POU6F2: variants seen among roughly 807,000 people sequenced by gnomAD.
The protein encoded by POU6F2 is POU domain, class 6, transcription factor 2.
Under a neutral mutation model 71.3 loss-of-function variants are expected in POU6F2, and 31 were observed. That is an observed-to-expected ratio of 0.43 (90% CI 0.33 to 0.59). POU6F2 has a LOEUF of 0.59. POU6F2 is among the 20% of genes least tolerant of loss of function. The pLI, the probability that POU6F2 is intolerant of heterozygous loss-of-function variation, is 0.04. For synonymous variants in POU6F2, 347 were observed against 355.7 expected (o/e 0.98, Z 0.27); for missense variants, 783 against 856.8 (o/e 0.91, Z 1.07).
At chr7:39,233,207 G>T (rs987617400) in intron 4 of POU6F2, among the ~76,000 whole-genome samples, 1 of 151,848 alleles carries the variant, frequency 6.6e-6, no homozygotes, top group Non-Finnish European at 1.5e-5. Flanking sequence ...ATAGTTTAGT[G>T]AGGAAGGTAG....
intron 2 of POU6F2, among the ~76,000 whole-genome samples, chr7:39,183,468 C>A (rs1183307619): frequency 1.3e-5 from 2 of 152,102 alleles, no homozygotes; most frequent in East Asian, 1.9e-4. Context: ...GGGGGAGGTG[C>A]TACACACTTT....
intron 5 of POU6F2, among the ~76,000 whole-genome samples, chr7:39,341,596 A>AC (rs1191800419): frequency 1.3e-5 from 2 of 152,228 alleles, no homozygotes; most frequent in Admixed American, 1.3e-4. Context: ...CATTAGATGT[A>AC]CCTATATACC....
intron 6 of POU6F2, among the ~76,000 whole-genome samples, chr7:39,411,653 T>C (rs1239637391): frequency 1.3e-5 from 2 of 152,152 alleles, no homozygotes; most frequent in Admixed American, 6.5e-5. Flanking sequence ...GCAGAGTTGG[T>C]TTGGTGAGAT....
intron 4 of POU6F2, among the ~76,000 whole-genome samples, chr7:39,304,124 G>A (rs1003855043): frequency 3.3e-5 from 5 of 152,002 alleles, no homozygotes; most frequent in African/African-American, 7.2e-5. Flanking sequence ...ATGTAAAAAT[G>A]TAAAAGAACT....
intron 4 of POU6F2, among the ~76,000 whole-genome samples, chr7:39,245,250 T>C (rs1427650216): frequency 6.6e-6 from 1 of 152,206 alleles, no homozygotes; most frequent in South Asian, 2.1e-4. Context: ...AATTAACTTA[T>C]TCAAAAGTGA....
chr7:39,091,280 G>A (rs1379540451), intron 2 of POU6F2, among the ~76,000 whole-genome samples: 2 of 152,214 alleles, frequency 1.3e-5, no homozygotes, highest in Non-Finnish European at 1.5e-5. Flanking sequence ...AGAATCGTCA[G>A]TGGGGACCTT....
chr7:39,448,953 G>A (rs748327416), intron 7 of POU6F2, among the ~76,000 whole-genome samples: 11 of 152,212 alleles, frequency 7.2e-5, no homozygotes, highest in Non-Finnish European at 1.5e-4. Flanking sequence ...TGTCCCTACA[G>A]TATAAAATTT....
At chr7:39,392,642 GCTT>G (rs1281075014) in intron 5 of POU6F2, among the ~76,000 whole-genome samples, 1 of 152,176 alleles carries the variant, frequency 6.6e-6, no homozygotes, top group Non-Finnish European at 1.5e-5. Flanking sequence ...AACTGCTGTG[GCTT>G]CTTTGCTGTC....
In POU6F2 at chr7:39,085,310, T is replaced by C. The variant is rs149626040; in HGVS notation, c.106-550T>C. Among the ~76,000 whole-genome samples the C allele has an allele frequency of 3.1e-3, 472 of 152,262 alleles. 2 individuals are homozygous for C. The highest frequency in any genetic ancestry group is 0.011 in the African/African-American group (455 of 41,572). On this transcript the variant is annotated intron_variant, in intron 1 of 9. Transcript: ENST00000518318. ...TACATAAGAAATATCTTTTATTCCATTGAAAGCCTTTCGAGGTCTCTTTTC... is the reference window on the plus strand; with the variant it reads ...TACATAAGAAATATCTTTTATTCCACTGAAAGCCTTTCGAGGTCTCTTTTC...
At chr7:39,340,498 C>T (rs1251045597) in intron 5 of POU6F2, among the ~76,000 whole-genome samples, 3 of 152,140 alleles carry the variant, frequency 2.0e-5, no homozygotes, top group Non-Finnish European at 2.9e-5. Context: ...TTTCTAAAGA[C>T]TCTCTGGGGT....
chr7:39,019,157 G>A (rs859548), intron 1 of POU6F2, among the ~76,000 whole-genome samples: 128,861 of 152,110 alleles, frequency 0.85, 55,648 homozygotes, highest in East Asian at 0.95. Flanking sequence ...TAAATTTTAT[G>A]AGTCCCCACA....
chr7:39,215,240 G>A lies in POU6F2; in HGVS notation c.598+7620G>A, dbSNP rs188126782. Among the ~76,000 whole-genome samples the A allele has an allele frequency of 1.0e-3, 158 of 152,272 alleles. 1 individual carries two copies. The highest frequency in any genetic ancestry group is 3.4e-3 in the Middle Eastern group (1 of 294). Reference sequence around the variant, plus strand: ...GGCACCTATAGTCCCAGCTATTCAGGAGGCTGAGGCATGAGAATCGCTTGT... The same window carrying A: ...GGCACCTATAGTCCCAGCTATTCAGAAGGCTGAGGCATGAGAATCGCTTGT... On this transcript the variant is annotated intron_variant, in intron 4 of 9. Transcript: ENST00000518318.
intron 5 of POU6F2, among the ~76,000 whole-genome samples, chr7:39,384,099 C>A (rs1276943143): frequency 6.6e-6 from 1 of 152,180 alleles, no homozygotes; most frequent in Non-Finnish European, 1.5e-5. Flanking sequence ...ATTCAATAAT[C>A]CAAAGCACTG....
At chr7:39,258,440 T>C (rs1485743443) in intron 4 of POU6F2, among the ~76,000 whole-genome samples, 1 of 152,158 alleles carries the variant, frequency 6.6e-6, no homozygotes, top group Non-Finnish European at 1.5e-5. Context: ...TCTGTCCTCA[T>C]TGGTAGCTGG....
At chr7:39,023,910 A>G (rs189385426) in intron 1 of POU6F2, among the ~76,000 whole-genome samples, 1 of 152,250 alleles carries the variant, frequency 6.6e-6, no homozygotes. Flanking sequence ...GGTCAGTGTG[A>G]TAGTTTACTA....
At chr7:39,221,607 C>T (rs574494496) in intron 4 of POU6F2, among the ~76,000 whole-genome samples, 14 of 151,986 alleles carry the variant, frequency 9.2e-5, no homozygotes, top group African/African-American at 2.7e-4. Flanking sequence ...AGGCTGGTCT[C>T]GAACTCCTAA....
chr7:39,016,951 G>A (rs191281084), intron 1 of POU6F2, among the ~76,000 whole-genome samples: 24 of 152,292 alleles, frequency 1.6e-4, no homozygotes, highest in African/African-American at 5.8e-4. Flanking sequence ...CGAAAATTTG[G>A]TTTGATCCAA....
At chr7:39,216,771 A>C (rs768297193) in intron 4 of POU6F2, among the ~76,000 whole-genome samples, 12 of 152,238 alleles carry the variant, frequency 7.9e-5, no homozygotes, top group Non-Finnish European at 1.6e-4. Flanking sequence ...ACTGCTAATG[A>C]AATTGAAACT....
At chr7:39,383,043 G>C (rs1280597241) in intron 5 of POU6F2, among the ~76,000 whole-genome samples, 1 of 152,180 alleles carries the variant, frequency 6.6e-6, no homozygotes, top group Admixed American at 6.5e-5. Context: ...TACTTATACT[G>C]TGCTCCTATT....
Sources: gnomAD v4.1 joint callset for allele counts (sites outside exome capture counted in the v4.1 genomes callset) on GRCh38, gnomAD v4.1.1 for gene constraint, MANE v1.5 for transcripts, NCBI Gene and HGNC (gene_info 2026-07-23, HGNC 2026-07-21) for gene names.